The following CCDC73 variants were observed in gnomAD, a reference collection of about 807,000 sequenced individuals.
CCDC73 encodes the protein coiled-coil domain containing 73, also known as coiled-coil domain-containing protein 73.
A neutral mutation model predicts 116.5 loss-of-function variants in CCDC73; 95 were observed. The ratio of observed to expected loss-of-function variants is 0.82; its 90% CI spans 0.69 to 0.97. The LOEUF (loss-of-function observed/expected upper bound fraction) is 0.97. Among genes scored for constraint, CCDC73 ranks in the 50% least tolerant of loss-of-function variants. CCDC73 has a pLI of 0.00. For missense variants in CCDC73, 1,066 were observed against 1,206.8 expected, an observed-to-expected ratio of 0.88 and a Z score of 1.73; for synonymous variants, 398 against 401.3, an observed-to-expected ratio of 0.99 and a Z score of 0.10.
In CCDC73 at chr11:32,602,782, A is replaced by C; in HGVS notation, c.*29T>G. The stretch of plus-strand genomic sequence containing the variant: ...AACTATACCAGAATTTCAGTTACAT[A>C]ATTTCACTACTGAAAGCACTTATCT... On this transcript the variant is annotated 3_prime_UTR_variant, in exon 18 of 18. Coordinates refer to ENST00000335185, the MANE Select transcript of CCDC73 (RefSeq NM_001008391.4). 7.1e-7 allele frequency: 1 copy of C among 1,417,568 alleles called. No homozygotes were observed. The highest frequency in any genetic ancestry group is 9.6e-7 in the Non-Finnish European group (1 of 1,042,260). The allele number at this position is 1,417,568 out of a possible 1,614,324, so 87.8% of individuals were successfully genotyped here.
At position 32,683,584 on chromosome 11, in the gene CCDC73, T is replaced by C. The variant is rs778622574; in HGVS notation, c.391-10A>G. 7 of 1,445,536 alleles carry C rather than the reference T, an allele frequency of 4.8e-6. No homozygotes were observed. Among genetic ancestry groups the C allele is most frequent in the East Asian group, 2.3e-5 (1 of 43,928 alleles). The allele number at this position is 1,445,536 out of a possible 1,614,324, so 89.5% of individuals were successfully genotyped here. On this transcript the variant is annotated splice_polypyrimidine_tract_variant and intron_variant, in intron 6 of 17. Transcript: ENST00000335185. ...AAGAGTATTTAGAAACCTTGAAAAA[T>C]AAGGGGGAAAAATCTCATTAAAATA...
At chr11:32,765,601 C>T (rs1255687306) in intron 1 of CCDC73, among the ~76,000 whole-genome samples, 2 of 152,164 alleles carry the variant, frequency 1.3e-5, no homozygotes, top group Non-Finnish European at 2.9e-5. Flanking sequence ...ATCTCTGGGA[C>T]ACATTTAAAG....
chr11:32,749,591 T>C (rs535346710), intron 2 of CCDC73, among the ~76,000 whole-genome samples: 1 of 152,186 alleles, frequency 6.6e-6, no homozygotes, highest in East Asian at 1.9e-4. Flanking sequence ...TGTTCGTCAG[T>C]GTCTGGGCAT....
In CCDC73 at chr11:32,698,198, G is replaced by T. The variant is rs999676470; in HGVS notation, c.390+1053C>A. Reference sequence around the variant, plus strand: ...CGCCACCACGCCCAGCTAATTTTTTGTATTTTTAGTAGAGACGGGGTTTCA... The same window carrying T: ...CGCCACCACGCCCAGCTAATTTTTTTTATTTTTAGTAGAGACGGGGTTTCA... On this transcript the variant is annotated intron_variant, in intron 6 of 17. Coordinates refer to ENST00000335185, the MANE Select transcript of CCDC73 (RefSeq NM_001008391.4). Among the ~76,000 whole-genome samples the T allele has an allele frequency of 4.6e-5, 7 of 151,524 alleles. No individual in the cohort carries two copies. In the South Asian group the frequency reaches 8.4e-4, roughly 18 times the overall value.
At chr11:32,824,160 G>T in the CCDC73 span, among the ~76,000 whole-genome samples, 1 of 152,134 alleles carries the variant, frequency 6.6e-6, no homozygotes, top group African/African-American at 2.4e-5. Context: ...TTCCTAAAGT[G>T]TTAGGATTAC....
At chr11:32,755,587 G>A (rs1158289356) in intron 2 of CCDC73, among the ~76,000 whole-genome samples, 19 of 78,636 alleles carry the variant, frequency 2.4e-4, no homozygotes, top group South Asian at 4.7e-4. Flanking sequence ...ATATATATGT[G>A]TGTATATATA....
At chr11:32,622,259 CA>C (rs1245859711) in intron 14 of CCDC73, among the ~76,000 whole-genome samples, 1 of 152,000 alleles carries the variant, frequency 6.6e-6, no homozygotes, top group Non-Finnish European at 1.5e-5. Context: ...GGAACCAGTC[CA>C]AATGTCCATC....
chr11:32,686,370 G>A (rs751807427), intron 6 of CCDC73, among the ~76,000 whole-genome samples: 86 of 150,190 alleles, frequency 5.7e-4, no homozygotes, highest in Non-Finnish European at 1.1e-3. Context: ...AAGCAGAGAT[G>A]GCAAATAGTT....
chr11:32,794,633 G>A lies in CCDC73; in HGVS notation c.-36C>T, dbSNP rs755673968. The A allele has an allele frequency of 4.6e-5, 7 of 152,322 alleles. No individual in the cohort carries two copies. Among genetic ancestry groups the A allele is most frequent in the Admixed American group, 1.3e-4 (2 of 15,292 alleles). The allele number at this position is 152,322 out of a possible 1,614,324, so 9.4% of individuals were successfully genotyped here. ...CTTACCTCAGCGAAGCGCGCCTCTA[G>A]CTCCTGTTGGCCCTTCCGGTTCACC... On this transcript the variant is annotated 5_prime_UTR_variant, in exon 1 of 18. Transcript: ENST00000335185.
chr11:32,635,877 AAT>A (rs1855673179), intron 13 of CCDC73, 47 bp from the exon 14 acceptor site: 2 of 1,014,182 alleles, frequency 2.0e-6, no homozygotes, highest in Non-Finnish European at 2.5e-6. Flanking sequence ...CAAGTATATA[AAT>A]ATGTTTTGTC....
chr11:32,727,612 C>T (rs1401565188), intron 2 of CCDC73, among the ~76,000 whole-genome samples: 2 of 152,052 alleles, frequency 1.3e-5, no homozygotes, highest in Non-Finnish European at 2.9e-5. Context: ...TCGCTCTGTC[C>T]CCCAGGCTGG....
chr11:32,813,641 G>T, the CCDC73 span, among the ~76,000 whole-genome samples: 1 of 152,148 alleles, frequency 6.6e-6, no homozygotes, highest in African/African-American at 2.4e-5. Context: ...ATAACAAATT[G>T]TCCCAGAATG....
At chr11:32,679,201 T>C (rs1358712589) in intron 7 of CCDC73, among the ~76,000 whole-genome samples, 1 of 152,074 alleles carries the variant, frequency 6.6e-6, no homozygotes, top group Non-Finnish European at 1.5e-5. Flanking sequence ...GTTACTATTA[T>C]TAGTAATGGT....
chr11:32,632,171 C>T (rs911042374), intron 14 of CCDC73, among the ~76,000 whole-genome samples: 1 of 152,116 alleles, frequency 6.6e-6, no homozygotes. Context: ...GTGAATATTT[C>T]ATGTGCTGCT....
At position 32,760,166 on chromosome 11, in the gene CCDC73, C is replaced by T. The variant is rs371683493; in HGVS notation, c.78G>A (p.Gln26=). The change falls in exon 2 of 18, where the codon CAG becomes CAA. Residue 26 remains glutamine (Q), a synonymous_variant. Coordinates refer to ENST00000335185, the MANE Select transcript of CCDC73 (RefSeq NM_001008391.4). ...QSSSETLFSI[Q]LLDFKTSLLE... ...GTAAACTTGTTTTGAAATCTAATAGCTGAATAGAAAACAATGTCTCTGAAG... is the reference window on the plus strand; with the variant it reads ...GTAAACTTGTTTTGAAATCTAATAGTTGAATAGAAAACAATGTCTCTGAAG... 6.9e-6 allele frequency: 11 copies of T among 1,602,958 alleles called. No individual in the cohort carries two copies. The highest frequency in any genetic ancestry group is 9.4e-6 in the Non-Finnish European group (11 of 1,172,318).
At chr11:32,647,912 A>G (rs972356604) in intron 12 of CCDC73, among the ~76,000 whole-genome samples, 1 of 151,998 alleles carries the variant, frequency 6.6e-6, no homozygotes, top group Non-Finnish European at 1.5e-5. Flanking sequence ...TCAAACTACC[A>G]TTGGTTTAAC....
chr11:32,624,286 G>A (rs1296358739), intron 14 of CCDC73, among the ~76,000 whole-genome samples: 1 of 152,092 alleles, frequency 6.6e-6, no homozygotes, highest in Non-Finnish European at 1.5e-5. Context: ...GTTGCAGTAA[G>A]CCGAGATGAT....
intron 1 of CCDC73, among the ~76,000 whole-genome samples, chr11:32,773,290 A>C (rs1169735996): frequency 1.3e-5 from 2 of 152,144 alleles, no homozygotes; most frequent in East Asian, 3.9e-4. Context: ...TTGCAGGGGA[A>C]TAGTGAATGA....
chr11:32,616,267 G>A, intron 14 of CCDC73, 138 bp from the exon 15 acceptor site: 1 of 879,838 alleles, frequency 1.1e-6, no homozygotes, highest in South Asian at 1.9e-5. Context: ...TGATTTTTTA[G>A]TAAGTTTAAT....
Sources: allele counts gnomAD v4.1 joint callset (sites outside exome capture counted in the v4.1 genomes callset), GRCh38; gene constraint gnomAD v4.1.1; transcripts MANE v1.5; gene names NCBI Gene and HGNC (gene_info 2026-07-23, HGNC 2026-07-21).